VMA12: variants seen among roughly 807,000 people sequenced by gnomAD.
VMA12 encodes the protein vacuolar ATPase assembly factor VMA12, also known as vacuolar ATPase assembly protein VMA12.
the VMA12 span, chr17:28,357,861 A>G: frequency 2.5e-6 from 4 of 1,613,998 alleles, no homozygotes; most frequent in Non-Finnish European, 2.5e-6. Context: ...CGGGATCTGC[A>G]CCAGCATCTG....
chr17:28,358,879 C>G, the VMA12 span: 3 of 1,566,242 alleles, frequency 1.9e-6, no homozygotes, highest in Admixed American at 1.8e-5. Flanking sequence ...AACCTCAGCT[C>G]GTGGATCATT....
the VMA12 span, chr17:28,363,474 C>G: frequency 6.6e-6 from 1 of 152,058 alleles, no homozygotes; most frequent in Non-Finnish European, 1.5e-5. Context: ...CGGCCCTCGT[C>G]CCCGTTCGTT....
chr17:28,360,442 G>C, the VMA12 span: 15 of 1,135,812 alleles, frequency 1.3e-5, no homozygotes, highest in South Asian at 1.7e-4. Flanking sequence ...TTAATATGTT[G>C]GGGAATAGAG....
the VMA12 span, chr17:28,360,273 T>C: frequency 1.8e-5 from 7 of 379,708 alleles, no homozygotes; most frequent in Admixed American, 7.7e-5. Context: ...GAGCATTTCT[T>C]CTGACAGGGC....
chr17:28,360,304 G>T, the VMA12 span: 2 of 492,170 alleles, frequency 4.1e-6, no homozygotes, highest in Non-Finnish European at 7.4e-6. Context: ...TCTATGGCAT[G>T]CTCCTACCCT....
At chr17:28,360,316 G>C in the VMA12 span, 4 of 517,520 alleles carry the variant, frequency 7.7e-6, no homozygotes, top group East Asian at 1.4e-4. Flanking sequence ...TCCTACCCTG[G>C]AACAGGAGAG....
At chr17:28,358,368 T>C in the VMA12 span, 1 of 472,290 alleles carries the variant, frequency 2.1e-6, no homozygotes, top group Non-Finnish European at 4.4e-6. Context: ...TGAGTTCCAG[T>C]CCTAGCTCTG....
the VMA12 span, chr17:28,360,740 T>A: frequency 6.2e-7 from 1 of 1,613,956 alleles, no homozygotes; most frequent in Non-Finnish European, 8.5e-7. Flanking sequence ...CAAAGTGAGA[T>A]CATTGAAGGC....
the VMA12 span, chr17:28,360,807 C>G: frequency 6.2e-7 from 1 of 1,613,972 alleles, no homozygotes; most frequent in Non-Finnish European, 8.5e-7. Context: ...TTCGTCTGCA[C>G]TTACCTTGGA....
the VMA12 span, chr17:28,361,558 G>C: frequency 3.2e-6 from 1 of 315,858 alleles, no homozygotes; most frequent in Non-Finnish European, 6.0e-6. Context: ...CTGGGACTAG[G>C]GTTTTTCCAT....
chr17:28,360,592 G>T, the VMA12 span: 2 of 1,614,098 alleles, frequency 1.2e-6, no homozygotes, highest in Non-Finnish European at 1.7e-6. Context: ...AGGAGATCAG[G>T]CTTCTAAAAC....
At chr17:28,359,085 T>C in the VMA12 span, 1 of 1,283,018 alleles carries the variant, frequency 7.8e-7, no homozygotes, top group African/African-American at 1.5e-5. Context: ...GCTTGAAAAA[T>C]TGTTTTTGAA....
chr17:28,359,449 G>A, the VMA12 span: 10 of 1,573,226 alleles, frequency 6.4e-6, no homozygotes, highest in East Asian at 2.2e-4. Context: ...GCCCCTCAGA[G>A]TAGGGCCCTG....
chr17:28,358,183 C>G, the VMA12 span: 1 of 449,360 alleles, frequency 2.2e-6, no homozygotes, highest in Non-Finnish European at 4.1e-6. Flanking sequence ...CAGGTTTTGT[C>G]TCTTCTTTTT....
chr17:28,358,025 C>A, the VMA12 span: 1 of 815,904 alleles, frequency 1.2e-6, no homozygotes, highest in Non-Finnish European at 1.9e-6. Flanking sequence ...GGGCCACCCA[C>A]TTTCTTAACT....
the VMA12 span, chr17:28,360,256 G>C: frequency 5.8e-6 from 2 of 345,600 alleles, no homozygotes; most frequent in Non-Finnish European, 1.1e-5. Flanking sequence ...ACTGTGCCCA[G>C]CCATTCGAGC....
chr17:28,358,964 T>C, the VMA12 span: 1 of 1,612,780 alleles, frequency 6.2e-7, no homozygotes, highest in Non-Finnish European at 8.5e-7. Flanking sequence ...GAAATCTATC[T>C]CCCAGAGGTT....
chr17:28,358,559 G>A, the VMA12 span: 1 of 483,410 alleles, frequency 2.1e-6, no homozygotes, highest in South Asian at 1.5e-5. Flanking sequence ...GAAAGAGATT[G>A]CCTAGTATTA....
the VMA12 span, chr17:28,358,183 C>A: frequency 2.2e-6 from 1 of 449,360 alleles, no homozygotes; most frequent in African/African-American, 2.0e-5. Flanking sequence ...CAGGTTTTGT[C>A]TCTTCTTTTT....
Sources: allele counts gnomAD v4.1 joint callset, GRCh38; gene constraint gnomAD v4.1.1; transcripts MANE v1.5; gene names NCBI Gene and HGNC (gene_info 2026-07-23, HGNC 2026-07-21).